Variants in SLC35F4 observed in about 807,000 individuals in gnomAD.
The protein encoded by SLC35F4 is solute carrier family 35 member F4.
Under a neutral mutation model 44.2 loss-of-function variants are expected in SLC35F4, and 24 were observed. That is an observed-to-expected ratio of 0.54 (90% CI 0.39 to 0.76). The LOEUF (loss-of-function observed/expected upper bound fraction) is 0.76. SLC35F4 is among the 30% of genes least tolerant of loss of function. The probability of loss-of-function intolerance (pLI) is 0.00; values close to 1 mark genes in which losing one functional copy is unlikely to be tolerated. For synonymous variants in SLC35F4, 238 were observed against 223.6 expected, an observed-to-expected ratio of 1.06 and a Z score of -0.57; for missense variants, 562 against 586.1, an observed-to-expected ratio of 0.96 and a Z score of 0.42.
intron 1 of SLC35F4, among the ~76,000 whole-genome samples, chr14:57,794,370 A>G (rs568766713): frequency 6.6e-6 from 1 of 152,236 alleles, no homozygotes; most frequent in East Asian, 1.9e-4. Flanking sequence ...AATCCCAAGA[A>G]AAAGTGGGCA....
chr14:57,679,187 C>T (rs567071457), intron 1 of SLC35F4, among the ~76,000 whole-genome samples: 3 of 152,178 alleles, frequency 2.0e-5, no homozygotes, highest in African/African-American at 7.2e-5. Context: ...TCAGACCACA[C>T]TGCAATCAAA....
chr14:57,627,600 T>G (rs771300831), intron 1 of SLC35F4, among the ~76,000 whole-genome samples: 1 of 152,104 alleles, frequency 6.6e-6, no homozygotes, highest in Non-Finnish European at 1.5e-5. Flanking sequence ...ATCATAAAAA[T>G]CAGATGATCA....
chr14:57,609,570 AAG>A, intron 1 of SLC35F4, among the ~76,000 whole-genome samples: 1 of 152,350 alleles, frequency 6.6e-6, no homozygotes, highest in Admixed American at 6.5e-5. Context: ...GGAGCTATGC[AAG>A]TATTAGAATG....
upstream of SLC35F4, among the ~76,000 whole-genome samples, chr14:57,868,625 G>A (rs575374796): frequency 2.8e-3 from 431 of 152,010 alleles, 1 homozygote; most frequent in Non-Finnish European, 5.3e-3. Flanking sequence ...ACAGGCACCC[G>A]ACACCACGCC....
At chr14:57,837,140 CT>C (rs1437479764) in intron 1 of SLC35F4, among the ~76,000 whole-genome samples, 7 of 152,160 alleles carry the variant, frequency 4.6e-5, no homozygotes, top group African/African-American at 1.7e-4. Context: ...TGAAAGGGAA[CT>C]TAAAATGAAA....
intron 1 of SLC35F4, among the ~76,000 whole-genome samples, chr14:57,879,260 T>C (rs1436655261): frequency 1.3e-5 from 2 of 152,110 alleles, no homozygotes; most frequent in Admixed American, 6.6e-5. Context: ...TATGCAACAG[T>C]AGGAAGTCAG....
At chr14:57,782,612 TA>T (rs1438529049) in intron 1 of SLC35F4, among the ~76,000 whole-genome samples, 1 of 152,226 alleles carries the variant, frequency 6.6e-6, no homozygotes, top group East Asian at 1.9e-4. Flanking sequence ...CATACTGTAC[TA>T]CAGTAATGAT....
At chr14:57,580,512 C>G in intron 4 of SLC35F4, 1 of 394,566 alleles carries the variant, frequency 2.5e-6, no homozygotes, top group Non-Finnish European at 4.9e-6. Flanking sequence ...AGATCTGGCT[C>G]CTTAAATCTT....
At chr14:57,828,043 G>A (rs566656688) in intron 1 of SLC35F4, among the ~76,000 whole-genome samples, 2 of 152,240 alleles carry the variant, frequency 1.3e-5, no homozygotes, top group Non-Finnish European at 2.9e-5. Context: ...AAAGGGACCT[G>A]CAGATGTAAT....
intron 1 of SLC35F4, among the ~76,000 whole-genome samples, chr14:57,626,746 T>C (rs1024768471): frequency 6.6e-6 from 1 of 152,082 alleles, no homozygotes; most frequent in Non-Finnish European, 1.5e-5. Context: ...GATTAGGAAA[T>C]AGAGGTACAA....
chr14:57,880,444 C>A (rs537594357), intron 1 of SLC35F4, among the ~76,000 whole-genome samples: 225 of 152,194 alleles, frequency 1.5e-3, no homozygotes, highest in African/African-American at 5.2e-3. Context: ...GGAAAATTCC[C>A]ATCCTCATCT....
intron 1 of SLC35F4, among the ~76,000 whole-genome samples, chr14:57,698,533 C>A (rs2140357191): frequency 6.6e-6 from 1 of 152,158 alleles, no homozygotes; most frequent in South Asian, 2.1e-4. Flanking sequence ...ATACATACTT[C>A]TTGAGGTTCA....
chr14:57,814,404 C>A (rs1358338030), intron 1 of SLC35F4, among the ~76,000 whole-genome samples: 2 of 152,208 alleles, frequency 1.3e-5, no homozygotes, highest in African/African-American at 2.4e-5. Context: ...CTAGTCCAAA[C>A]TGAACACATT....
At chr14:57,682,402 C>G (rs920417202) in intron 1 of SLC35F4, among the ~76,000 whole-genome samples, 2 of 152,186 alleles carry the variant, frequency 1.3e-5, no homozygotes, top group African/African-American at 4.8e-5. Context: ...GAATAGAAAA[C>G]CAAACACTGC....
intron 1 of SLC35F4, among the ~76,000 whole-genome samples, chr14:57,944,736 AAAGAAAGAAAGAAAG>A (rs1222665944): frequency 1.5e-4 from 21 of 140,170 alleles, no homozygotes; most frequent in East Asian, 4.9e-4. Flanking sequence ...AGAAAGAAAG[AAAGAAAGAAAGAAAG>A]AAGAAAGGAA....
Position 57,783,730 on chromosome 14 carries a change from C to A in SLC35F4, c.103+81993G>T, listed in dbSNP as rs73291861. ...GTCCTTTTGACATAAGACAATGGCC[C>A]AGCCACCCAGAATCTCATGAGTTCA... is the stretch of plus-strand genomic sequence containing the variant. On this transcript the variant is annotated intron_variant, in intron 1 of 7. Coordinates refer to ENST00000556826, the MANE Select transcript of SLC35F4 (RefSeq NM_001306087.2). 6.9e-3 allele frequency among the ~76,000 whole-genome samples: 1,043 copies of A among 152,240 alleles called. 13 individuals carry two copies. The highest frequency in any genetic ancestry group is 0.023 in the African/African-American group (962 of 41,528).
rs186334307 is a variant in SLC35F4, at chr14:57,630,531, T to C, written c.104-36407A>G. 518 of 1,124,972 alleles carry C rather than the reference T, an allele frequency of 4.6e-4. 8 individuals are homozygous for C. In the African/African-American group the frequency reaches 6.4e-3, roughly 14 times the overall value. The allele number at this position is 1,124,972 out of a possible 1,614,324, so 69.7% of individuals were successfully genotyped here. On this transcript the variant is annotated intron_variant, in intron 1 of 7. Coordinates refer to ENST00000556826, the MANE Select transcript of SLC35F4 (RefSeq NM_001306087.2). ...ACCAAAACTAGAGGCACCTCAAAAA[T>C]AGATTCCAAAACACATTATAAGTCT...
At chr14:57,663,206 T>C (rs1031991551) in intron 1 of SLC35F4, among the ~76,000 whole-genome samples, 7 of 152,330 alleles carry the variant, frequency 4.6e-5, no homozygotes, top group East Asian at 1.9e-4. Flanking sequence ...TTTTACCGTA[T>C]AGATGTAGAA....
chr14:57,937,497 T>C (rs1889819309), intron 1 of SLC35F4, among the ~76,000 whole-genome samples: 1 of 150,840 alleles, frequency 6.6e-6, no homozygotes, highest in South Asian at 2.1e-4. Context: ...AATAATAGGT[T>C]ATCATAATAG....
Sources: gnomAD v4.1 joint callset for allele counts (sites outside exome capture counted in the v4.1 genomes callset) on GRCh38, gnomAD v4.1.1 for gene constraint, MANE v1.5 for transcripts, NCBI Gene and HGNC (gene_info 2026-07-23, HGNC 2026-07-21) for gene names.